Variants in DNAJC10 observed in about 807,000 individuals in gnomAD.
DNAJC10 encodes the protein DnaJ heat shock protein family (Hsp40) member C10.
In DNAJC10, 101 loss-of-function variants were observed where a neutral mutation model predicts 115.0. That is an observed-to-expected ratio of 0.88 (90% CI 0.75 to 1.04). The LOEUF (loss-of-function observed/expected upper bound fraction) is 1.04, where lower values mean the gene tolerates loss of function less well. DNAJC10 is among the 50% of genes least tolerant of loss of function. The pLI, the probability that DNAJC10 is intolerant of heterozygous loss-of-function variation, is 0.00. For synonymous variants in DNAJC10, 307 were observed against 301.5 expected (o/e 1.02, Z -0.19); for missense variants, 981 against 928.8 (o/e 1.06, Z -0.73).
At position 182,793,727 on chromosome 2, in the gene DNAJC10, A is replaced by G. The variant is rs1392560686; in HGVS notation, c.*16595A>G. 6.6e-6 allele frequency: 1 copy of G among 151,908 alleles called. No individual in the cohort carries two copies. The highest frequency in any genetic ancestry group is 1.5e-5 in the Non-Finnish European group (1 of 67,992). The allele number at this position is 151,908 out of a possible 1,614,324, so 9.4% of individuals were successfully genotyped here. A position where few individuals can be genotyped will look rare whatever the true frequency, so the allele number is the denominator to read the frequency against. On this transcript the variant is annotated 3_prime_UTR_variant, in exon 24 of 24. Transcript: ENST00000264065. Reference sequence around the variant, plus strand: ...GTACTAAATTAGGTTGCAATTTATTACATGGGAACTCAAAGTCTGGAGACA... The same window carrying G: ...GTACTAAATTAGGTTGCAATTTATTGCATGGGAACTCAAAGTCTGGAGACA...
chr2:182,723,453 A>C (rs1351666779), intron 5 of DNAJC10, among the ~76,000 whole-genome samples: 1 of 152,206 alleles, frequency 6.6e-6, no homozygotes, highest in Admixed American at 6.5e-5. Flanking sequence ...GAACACTTGA[A>C]CATGTTCTAA....
Position 182,785,704 on chromosome 2 carries a change from A to C in DNAJC10, c.*8572A>C, listed in dbSNP as rs1694933839. On this transcript the variant is annotated 3_prime_UTR_variant, in exon 24 of 24. Coordinates refer to ENST00000264065, the MANE Select transcript of DNAJC10 (RefSeq NM_018981.4). The stretch of plus-strand genomic sequence containing the variant: ...AAAAAGAAAAAGAGGCTTTTCAGTC[A>C]TGAGCCAAATGCAGTATGTGGGCTA... 1 of 152,290 alleles carries C rather than the reference A, an allele frequency of 6.6e-6. No homozygotes were observed. Among genetic ancestry groups the C allele is most frequent in the Admixed American group, 6.5e-5 (1 of 15,292 alleles). 9.4% of individuals were successfully genotyped at this position (152,290 alleles called of 1,614,324 possible).
At chr2:182,725,990 A>G (rs1003408307) in intron 5 of DNAJC10, among the ~76,000 whole-genome samples, 3 of 152,198 alleles carry the variant, frequency 2.0e-5, no homozygotes, top group African/African-American at 7.2e-5. Flanking sequence ...TCTACCTGCC[A>G]TAGGTAGTGA....
At chr2:182,776,692 G>A (rs6751322) in intron 23 of DNAJC10, among the ~76,000 whole-genome samples, 23,269 of 151,880 alleles carry the variant, frequency 0.15, 4,372 homozygotes, top group African/African-American at 0.45. Context: ...GTAGGAAAGA[G>A]TTATGAGTCT....
At chr2:182,736,572 T>C (rs912781912) in intron 11 of DNAJC10, among the ~76,000 whole-genome samples, 186 bp downstream of exon 11, 4 of 152,178 alleles carry the variant, frequency 2.6e-5, no homozygotes, top group Admixed American at 2.6e-4. Context: ...ATTATAAAAT[T>C]TAAGGATTAT....
chr2:182,755,008 C>T lies in DNAJC10; in HGVS notation c.1557C>T (p.Asn519=), dbSNP rs1447957625. The T allele has an allele frequency of 1.9e-6, 3 of 1,583,292 alleles. No homozygotes were observed. Among genetic ancestry groups the T allele is most frequent in the Non-Finnish European group, 2.6e-6 (3 of 1,152,328 alleles). The change falls in exon 17 of 24, where the codon AAC becomes AAT. Residue 519 remains asparagine, a synonymous_variant. Coordinates refer to ENST00000264065, the MANE Select transcript of DNAJC10 (RefSeq NM_018981.4). ...CATATTCTCCTTCCTATCAGTATAA[C>T]ATTCAGGCTTATCCAACAACAGTGG... The part of the protein sequence containing the change: ...TVHEGLCNMY[N]IQAYPTTVVF...
intron 5 of DNAJC10, among the ~76,000 whole-genome samples, chr2:182,727,679 G>A (rs1409265778): frequency 6.6e-6 from 1 of 152,128 alleles, no homozygotes; most frequent in South Asian, 2.1e-4. Context: ...TTAGTTGCAC[G>A]TATTTAGAAT....
chr2:182,743,818 A>G, intron 14 of DNAJC10, 106 bp downstream of exon 14: 1 of 737,438 alleles, frequency 1.4e-6, no homozygotes, highest in Non-Finnish European at 2.2e-6. Context: ...CTTATTGTAA[A>G]TAACTTTTCT....
intron 13 of DNAJC10, 53 bp downstream of exon 13, chr2:182,741,409 T>A: frequency 2.5e-6 from 2 of 813,330 alleles, no homozygotes; most frequent in Non-Finnish European, 3.7e-6. Context: ...TGTTGTTAAT[T>A]TAATGCATAT....
Position 182,743,616 on chromosome 2 carries a change from TC to T in DNAJC10, c.1212del (p.Ser405LeufsTer16), listed in dbSNP as rs1693791941. On this transcript the variant is annotated frameshift_variant, in exon 14 of 24. Coordinates refer to ENST00000264065, the MANE Select transcript of DNAJC10 (RefSeq NM_018981.4). LOFTEE classifies it high-confidence loss of function. Reference protein sequence around the residue: ...DHIQVGRFDCSSAPDICSNLY... With the variant: ...DHIQVGRFDCXSAPDICSNLY... ...CCTTTAGGTTGGCAGGTTTGACTGT[TC>T]CTCTGCACCAGACATCTGTAGTAAT... The T allele has an allele frequency of 4.3e-6, 7 of 1,613,430 alleles. No homozygotes were observed. Among genetic ancestry groups the T allele is most frequent in the Non-Finnish European group, 5.9e-6 (7 of 1,179,570 alleles).
intron 14 of DNAJC10, among the ~76,000 whole-genome samples, chr2:182,746,373 C>T (rs1232718383): frequency 1.3e-5 from 2 of 152,174 alleles, no homozygotes; most frequent in African/African-American, 4.8e-5. Context: ...GTTCCTATTT[C>T]TCCACATCCT....
At chr2:182,775,261 G>A in intron 22 of DNAJC10, 55 bp from the exon 23 acceptor site, 1 of 1,123,008 alleles carries the variant, frequency 8.9e-7, no homozygotes, top group Non-Finnish European at 1.3e-6. Flanking sequence ...TTCTTAGGTG[G>A]AAATGTTATG....
chr2:182,733,479 T>C (rs988182149), intron 10 of DNAJC10, among the ~76,000 whole-genome samples: 3 of 151,908 alleles, frequency 2.0e-5, no homozygotes, highest in Non-Finnish European at 4.4e-5. Flanking sequence ...TAAATCAAAA[T>C]ATTCGAGGGT....
Position 182,722,092 on chromosome 2 carries a change from A to G in DNAJC10, c.418+17A>G. ...GAGAATTTGGTAAGTTTGTGGGCTTAAGGTTTTATAAAACTAATACAAGTT... is the reference window on the plus strand; with the variant it reads ...GAGAATTTGGTAAGTTTGTGGGCTTGAGGTTTTATAAAACTAATACAAGTT... On this transcript the variant is annotated intron_variant, in intron 5 of 23. Transcript: ENST00000264065. 6.5e-7 allele frequency: 1 copy of G among 1,536,494 alleles called. No individual in the cohort carries two copies. The highest frequency in any genetic ancestry group is 8.8e-7 in the Non-Finnish European group (1 of 1,131,844).
chr2:182,754,788 G>T (rs1280837738), intron 16 of DNAJC10: 5 of 1,302,350 alleles, frequency 3.8e-6, no homozygotes, highest in Admixed American at 3.4e-5. Context: ...GAATGGAGCA[G>T]CTATAAATAA....
At chr2:182,732,691 G>GT (rs2105628272) in intron 10 of DNAJC10, 149 bp downstream of exon 10, 1 of 681,482 alleles carries the variant, frequency 1.5e-6, no homozygotes, top group Non-Finnish European at 2.4e-6. Context: ...ATAGCTATGT[G>GT]TTTTTTCCTG....
chr2:182,765,000 A>T (rs1320965953), intron 22 of DNAJC10, among the ~76,000 whole-genome samples: 1 of 152,150 alleles, frequency 6.6e-6, no homozygotes, highest in African/African-American at 2.4e-5. Flanking sequence ...GATGCAGCGC[A>T]GGCTGTTTGC....
rs142783197 is a variant in DNAJC10, at chr2:182,769,588, A to G, written c.2266-5728A>G. On this transcript the variant is annotated intron_variant, in intron 22 of 23. Coordinates refer to ENST00000264065, the MANE Select transcript of DNAJC10 (RefSeq NM_018981.4). ...TCTTTGATGACCAGTGATGATGAGCATTTTTTCATGCATCTGTTGGCTGCA... is the reference window on the plus strand; with the variant it reads ...TCTTTGATGACCAGTGATGATGAGCGTTTTTTCATGCATCTGTTGGCTGCA... 2.0e-5 allele frequency among the ~76,000 whole-genome samples: 3 copies of G among 152,100 alleles called. No homozygotes were observed. The East Asian group carries it at 5.8e-4, about 29-fold the overall frequency.
At chr2:182,771,963 A>G (rs1220195442) in intron 22 of DNAJC10, among the ~76,000 whole-genome samples, 1 of 152,210 alleles carries the variant, frequency 6.6e-6, no homozygotes, top group African/African-American at 2.4e-5. Flanking sequence ...ATTTAGTGCT[A>G]TAAATTTCCC....
Sources: allele counts gnomAD v4.1 joint callset (sites outside exome capture counted in the v4.1 genomes callset), GRCh38; gene constraint gnomAD v4.1.1; transcripts MANE v1.5; gene names NCBI Gene and HGNC (gene_info 2026-07-23, HGNC 2026-07-21).